Variants in PCED1B observed in about 807,000 individuals in gnomAD.
The protein encoded by PCED1B is PC-esterase domain containing 1B, also known as PC-esterase domain-containing protein 1B.
For synonymous variants in PCED1B, 251 were observed against 246.1 expected (o/e 1.02, Z -0.19); for missense variants, 573 against 573.9 (o/e 1.00, Z 0.02).
chr12:47,236,410 C>A lies in PCED1B; in HGVS notation c.*48C>A. 3 of 1,456,364 alleles carry A rather than the reference C, an allele frequency of 2.1e-6. No individual in the cohort carries two copies. Among genetic ancestry groups the A allele is most frequent in the Non-Finnish European group, 2.7e-6 (3 of 1,097,118 alleles). 90.2% of individuals were successfully genotyped at this position (1,456,364 alleles called of 1,614,324 possible). On this transcript the variant is annotated 3_prime_UTR_variant, in exon 4 of 4. Transcript: ENST00000546455. Reference sequence around the variant, plus strand: ...CTTTATGAACATGGATTGGACAGATCTGACACTTCCTTTCCATTGCTTGGC... The same window carrying A: ...CTTTATGAACATGGATTGGACAGATATGACACTTCCTTTCCATTGCTTGGC...
At chr12:47,229,155 T>C (rs1943722311) in intron 3 of PCED1B, among the ~76,000 whole-genome samples, 1 of 152,044 alleles carries the variant, frequency 6.6e-6, no homozygotes, top group Admixed American at 6.6e-5. Flanking sequence ...GGCTTACACC[T>C]GTCATCCCAG....
intron 2 of PCED1B, among the ~76,000 whole-genome samples, chr12:47,215,317 G>A (rs1332841701): frequency 9.0e-5 from 13 of 144,210 alleles, no homozygotes; most frequent in Non-Finnish European, 1.5e-4. Context: ...GCAATGGGAC[G>A]ATTTTGGCTC....
chr12:47,118,544 G>C (rs1219813594), intron 2 of PCED1B, among the ~76,000 whole-genome samples: 1 of 152,056 alleles, frequency 6.6e-6, no homozygotes, highest in Non-Finnish European at 1.5e-5. Flanking sequence ...TGTTCCATTG[G>C]TCTATATCTC....
rs537987424 is a variant in PCED1B, at chr12:47,144,821, C to G, written c.-526+40626C>G. Among the ~76,000 whole-genome samples the G allele has an allele frequency of 2.6e-5, 4 of 152,344 alleles. No individual in the cohort carries two copies. In the South Asian group the frequency reaches 8.3e-4, roughly 32 times the overall value. On this transcript the variant is annotated intron_variant, in intron 2 of 3. Transcript: ENST00000546455. ...TCTGCTCCACTGAGTGGCCATTCCC[C>G]TGTCTCAAAATCCCTTGGGCCTTCC...
At position 47,235,131 on chromosome 12, in the gene PCED1B, ACT is replaced by A; in HGVS notation, c.71_72del (p.Ser24CysfsTer3). ...AATAAGTTCGTGGTCATCCTGGGGG[ACT>A]CTGTGCATAGGGCAGTATACAAGGA... On this transcript the variant is annotated frameshift_variant, in exon 4 of 4. Coordinates refer to ENST00000546455, the MANE Select transcript of PCED1B (RefSeq NM_138371.3). LOFTEE classifies it low-confidence loss of function (END_TRUNC). 1 of 1,543,658 alleles carries A rather than the reference ACT, an allele frequency of 6.5e-7. No homozygotes were observed.
intron 1 of PCED1B, among the ~76,000 whole-genome samples, chr12:47,087,972 T>A (rs1938068885): frequency 1.3e-5 from 2 of 152,128 alleles, no homozygotes; most frequent in Admixed American, 1.3e-4. Context: ...AAGAATCAAA[T>A]CCCTGGATTT....
chr12:47,085,513 G>A (rs1292230706), intron 1 of PCED1B, among the ~76,000 whole-genome samples: 1 of 152,194 alleles, frequency 6.6e-6, no homozygotes, highest in Non-Finnish European at 1.5e-5. Context: ...ATGTGCAACA[G>A]GGATGTGGGC....
intron 1 of PCED1B, among the ~76,000 whole-genome samples, chr12:47,098,646 C>G (rs1159463908): frequency 3.9e-5 from 6 of 152,102 alleles, no homozygotes; most frequent in Non-Finnish European, 7.4e-5. Context: ...CCACGCCCGG[C>G]TAATTTTTTC....
At chr12:47,165,511 T>C (rs1052543069) in intron 2 of PCED1B, among the ~76,000 whole-genome samples, 5 of 152,234 alleles carry the variant, frequency 3.3e-5, no homozygotes, top group Non-Finnish European at 5.9e-5. Context: ...GAACATATAT[T>C]ATTTATTGTC....
chr12:47,207,076 C>A (rs781221653), intron 2 of PCED1B, among the ~76,000 whole-genome samples: 49 of 152,162 alleles, frequency 3.2e-4, no homozygotes, highest in Admixed American at 5.2e-4. Context: ...TTACCAAAAT[C>A]TTATTAGGAG....
chr12:47,191,291 T>C (rs751177111), intron 2 of PCED1B, among the ~76,000 whole-genome samples: 3 of 152,136 alleles, frequency 2.0e-5, no homozygotes, highest in Non-Finnish European at 4.4e-5. Flanking sequence ...AGCTGTCTGT[T>C]TCCAGACTTT....
chr12:47,174,307 G>C (rs1485909491), intron 2 of PCED1B, among the ~76,000 whole-genome samples: 2 of 151,960 alleles, frequency 1.3e-5, no homozygotes, highest in Admixed American at 1.3e-4. Flanking sequence ...TACTCGGGAG[G>C]CTGAGGCAGA....
At chr12:47,224,269 T>C (rs1274388025) in intron 3 of PCED1B, among the ~76,000 whole-genome samples, 1 of 152,220 alleles carries the variant, frequency 6.6e-6, no homozygotes, top group Admixed American at 6.5e-5. Flanking sequence ...CATAGTTTTA[T>C]CTTTGGTTTT....
chr12:47,177,404 G>A (rs1320927092), intron 2 of PCED1B, among the ~76,000 whole-genome samples: 5 of 152,064 alleles, frequency 3.3e-5, no homozygotes, highest in Non-Finnish European at 7.4e-5. Context: ...CTGCTAATGG[G>A]GTGACTGACA....
At chr12:47,181,277 G>A (rs993212526) in intron 2 of PCED1B, among the ~76,000 whole-genome samples, 3 of 151,844 alleles carry the variant, frequency 2.0e-5, no homozygotes, top group African/African-American at 7.3e-5. Flanking sequence ...TAGCCACTGC[G>A]CTTGGCCTTA....
intron 2 of PCED1B, among the ~76,000 whole-genome samples, chr12:47,121,316 C>G (rs1939669697): frequency 6.6e-6 from 1 of 152,096 alleles, no homozygotes; most frequent in African/African-American, 2.4e-5. Flanking sequence ...TTCATGGCTA[C>G]AAAGTTATGA....
chr12:47,176,147 A>G lies in PCED1B; in HGVS notation c.-525-40075A>G, dbSNP rs146634764. Among the ~76,000 whole-genome samples the G allele has an allele frequency of 2.3e-3, 348 of 152,314 alleles. 1 individual carries two copies. Among genetic ancestry groups the G allele is most frequent in the African/African-American group, 7.3e-3 (302 of 41,576 alleles). On this transcript the variant is annotated intron_variant, in intron 2 of 3. Transcript: ENST00000546455. Reference sequence around the variant, plus strand: ...GACTAAAATCAGGAAAACATAAGGAAGAGAAGTACGATATTGTGATTTATA... The same window carrying G: ...GACTAAAATCAGGAAAACATAAGGAGGAGAAGTACGATATTGTGATTTATA...
intron 2 of PCED1B, among the ~76,000 whole-genome samples, chr12:47,118,882 A>T (rs916855596): frequency 6.6e-6 from 1 of 152,134 alleles, no homozygotes; most frequent in African/African-American, 2.4e-5. Flanking sequence ...AGTGGTTTGT[A>T]GTTGTCCTTG....
intron 1 of PCED1B, among the ~76,000 whole-genome samples, chr12:47,090,817 A>G (rs1364146655): frequency 2.0e-5 from 3 of 152,150 alleles, no homozygotes; most frequent in Admixed American, 6.5e-5. Flanking sequence ...TTCTGTGGCT[A>G]TATCACAATT....
Sources: gnomAD v4.1 joint callset for allele counts (sites outside exome capture counted in the v4.1 genomes callset) on GRCh38, gnomAD v4.1.1 for gene constraint, MANE v1.5 for transcripts, NCBI Gene and HGNC (gene_info 2026-07-23, HGNC 2026-07-21) for gene names.